Variants in SLC10A7 observed in about 807,000 individuals in gnomAD.
SLC10A7 encodes the protein solute carrier family 10 member 7, also known as sodium/bile acid cotransporter 7.
Under a neutral mutation model 43.2 loss-of-function variants are expected in SLC10A7, and 29 were observed. That is an observed-to-expected ratio of 0.67 (90% CI 0.50 to 0.92). The LOEUF is 0.92. Ranked by LOEUF, SLC10A7 falls within the 40% of genes least tolerant of loss-of-function variation. SLC10A7 has a pLI of 0.00. For synonymous variants in SLC10A7, 152 were observed against 144.8 expected, an observed-to-expected ratio of 1.05 and a Z score of -0.35; for missense variants, 295 against 403.2, an observed-to-expected ratio of 0.73 and a Z score of 2.30.
chr4:146,343,739 T>C (rs1437827291), intron 5 of SLC10A7, among the ~76,000 whole-genome samples: 2 of 151,884 alleles, frequency 1.3e-5, no homozygotes, highest in Non-Finnish European at 2.9e-5. Flanking sequence ...TAATATTGAA[T>C]TGATAGAAAT....
chr4:146,362,082 C>G (rs1736084268), intron 5 of SLC10A7, among the ~76,000 whole-genome samples: 1 of 151,896 alleles, frequency 6.6e-6, no homozygotes, highest in Non-Finnish European at 1.5e-5. Context: ...ATGAAGTATG[C>G]CTACAAGACA....
In SLC10A7 at chr4:146,303,206, G is replaced by C. The variant is rs376369726; in HGVS notation, c.555+2720C>G. ...CCCCATGGGTTCTACTGAGACCTTTGCTGGGACTGCATCATCTCCATCCTA... is the reference window on the plus strand; with the variant it reads ...CCCCATGGGTTCTACTGAGACCTTTCCTGGGACTGCATCATCTCCATCCTA... On this transcript the variant is annotated intron_variant, in intron 7 of 11. Coordinates refer to ENST00000335472, the MANE Select transcript of SLC10A7 (RefSeq NM_001029998.6). 4.5e-4 allele frequency among the ~76,000 whole-genome samples: 69 copies of C among 152,262 alleles called. No individual in the cohort carries two copies. In the South Asian group the frequency reaches 0.014, roughly 31 times the overall value.
At chr4:146,475,138 T>C (rs1032959287) in intron 4 of SLC10A7, among the ~76,000 whole-genome samples, 1 of 152,182 alleles carries the variant, frequency 6.6e-6, no homozygotes. Context: ...TTAAAATAGA[T>C]GCCATTTTAC....
intron 10 of SLC10A7, among the ~76,000 whole-genome samples, chr4:146,260,705 T>C (rs962887169): frequency 2.0e-5 from 3 of 152,206 alleles, no homozygotes; most frequent in African/African-American, 7.2e-5. Context: ...TCAGGCAACC[T>C]GAATTTCCAG....
chr4:146,341,920 T>C (rs187298570), intron 5 of SLC10A7, among the ~76,000 whole-genome samples: 16 of 151,908 alleles, frequency 1.1e-4, no homozygotes, highest in Admixed American at 3.3e-4. Context: ...TGAATCTCAT[T>C]AGAAAATTTT....
At chr4:146,261,341 C>T (rs1728207299) in intron 10 of SLC10A7, among the ~76,000 whole-genome samples, 1 of 152,208 alleles carries the variant, frequency 6.6e-6, no homozygotes, top group Admixed American at 6.5e-5. Flanking sequence ...GGGCAGTGCC[C>T]CTTCTCAGAT....
intron 5 of SLC10A7, among the ~76,000 whole-genome samples, chr4:146,373,628 T>G (rs951601607): frequency 2.0e-5 from 3 of 152,118 alleles, no homozygotes; most frequent in African/African-American, 7.2e-5. Flanking sequence ...GTTTTAATGG[T>G]GAAATGTACA....
chr4:146,432,721 T>C (rs901711828), intron 5 of SLC10A7, among the ~76,000 whole-genome samples: 31 of 152,200 alleles, frequency 2.0e-4, no homozygotes, highest in African/African-American at 7.0e-4. Context: ...ACCTCTGAAA[T>C]GCATAGATTT....
chr4:146,400,445 G>A (rs2630304), intron 5 of SLC10A7, among the ~76,000 whole-genome samples: 2,488 of 152,286 alleles, frequency 0.016, 55 homozygotes, highest in African/African-American at 0.056. Context: ...GCACGATCCA[G>A]TAGAGGTTCA....
intron 6 of SLC10A7, among the ~76,000 whole-genome samples, chr4:146,306,654 A>G (rs969947546): frequency 2.0e-5 from 3 of 152,056 alleles, no homozygotes; most frequent in African/African-American, 7.2e-5. Flanking sequence ...TTACAATCTC[A>G]GTTTCATTAA....
chr4:146,387,415 C>A (rs1393488590), intron 5 of SLC10A7, among the ~76,000 whole-genome samples: 3 of 152,152 alleles, frequency 2.0e-5, no homozygotes, highest in African/African-American at 7.2e-5. Context: ...ATAAATTTGG[C>A]ATCCCTTCAT....
chr4:146,308,942 A>G (rs1396222504), intron 6 of SLC10A7, among the ~76,000 whole-genome samples: 1 of 152,124 alleles, frequency 6.6e-6, no homozygotes, highest in Non-Finnish European at 1.5e-5. Flanking sequence ...GCTTCCTGTG[A>G]GCTAGGGGCA....
chr4:146,477,369 G>A (rs577469050), intron 4 of SLC10A7, among the ~76,000 whole-genome samples: 1 of 152,298 alleles, frequency 6.6e-6, no homozygotes, highest in Non-Finnish European at 1.5e-5. Context: ...ACAAAAACAA[G>A]TAGCAAAGTC....
chr4:146,521,575 G>T (rs201373111), intron 1 of SLC10A7, 43 bp downstream of exon 1: 1 of 1,548,250 alleles, frequency 6.5e-7, no homozygotes, highest in African/African-American at 1.4e-5. Flanking sequence ...AATTAGTTCT[G>T]AAGTGGGAGC....
At chr4:146,272,546 C>T (rs577901265) in intron 10 of SLC10A7, among the ~76,000 whole-genome samples, 1 of 152,252 alleles carries the variant, frequency 6.6e-6, no homozygotes, top group Admixed American at 6.5e-5. Flanking sequence ...ATGGAGCGGG[C>T]TGTCATTAAA....
intron 6 of SLC10A7, among the ~76,000 whole-genome samples, chr4:146,319,878 G>A (rs1232242982): frequency 2.0e-5 from 3 of 151,924 alleles, no homozygotes; most frequent in African/African-American, 4.8e-5. Flanking sequence ...CATAATAAAT[G>A]ACATAACTCA....
At chr4:146,314,604 A>G (rs1732199744) in intron 6 of SLC10A7, among the ~76,000 whole-genome samples, 1 of 152,156 alleles carries the variant, frequency 6.6e-6, no homozygotes, top group Non-Finnish European at 1.5e-5. Context: ...ATGTAGGCCA[A>G]TGTTTGTCAA....
At chr4:146,388,955 T>C (rs1338021921) in intron 5 of SLC10A7, among the ~76,000 whole-genome samples, 1 of 152,104 alleles carries the variant, frequency 6.6e-6, no homozygotes, top group Non-Finnish European at 1.5e-5. Flanking sequence ...ATAGATAATG[T>C]ACAGAATGGG....
At chr4:146,376,840 G>T (rs372155430) in intron 5 of SLC10A7, among the ~76,000 whole-genome samples, 28 of 152,138 alleles carry the variant, frequency 1.8e-4, no homozygotes, top group Non-Finnish European at 3.8e-4. Context: ...GCTGTGTCCC[G>T]TTTTTATTGG....
Sources: gnomAD v4.1 joint callset for allele counts (sites outside exome capture counted in the v4.1 genomes callset) on GRCh38, gnomAD v4.1.1 for gene constraint, MANE v1.5 for transcripts, NCBI Gene and HGNC (gene_info 2026-07-23, HGNC 2026-07-21) for gene names.